USH2A: variants seen among roughly 807,000 people sequenced by gnomAD.
USH2A encodes the protein usherin.
A neutral mutation model predicts 538.9 loss-of-function variants in USH2A; 443 were observed. The ratio of observed to expected loss-of-function variants is 0.82; its 90% CI spans 0.76 to 0.89. USH2A has a LOEUF of 0.89. Ranked by LOEUF, USH2A falls within the 40% of genes least tolerant of loss-of-function variation. The pLI is 0.00. For missense variants in USH2A, 6,633 were observed against 6,324.8 expected, an observed-to-expected ratio of 1.05 and a Z score of -1.65; for synonymous variants, 2,413 against 2,273.5, an observed-to-expected ratio of 1.06 and a Z score of -1.75.
At chr1:215,647,871 A>G in intron 66 of USH2A, 141 bp from the exon 67 acceptor site, 1 of 962,714 alleles carries the variant, frequency 1.0e-6, no homozygotes, top group Non-Finnish European at 1.6e-6. Context: ...TTTGCAGGAA[A>G]CTGCTCTCAG....
Position 215,889,004 on chromosome 1 carries a change from T to A in USH2A, c.7645A>T (p.Met2549Leu), listed in dbSNP as rs768926106. 5.0e-6 allele frequency: 8 copies of A among 1,614,058 alleles called. No individual in the cohort carries two copies. The South Asian group carries it at 7.7e-5, about 16-fold the overall frequency. The change falls in exon 41 of 72, where the codon ATG (methionine) becomes TTG (leucine). Residue 2549 changes from methionine (M) to leucine (L), a missense_variant. By Grantham distance (15) the Met-to-Leu change is conservative. Transcript: ENST00000307340. ...CTAGGATGCTGCCAGGTGACCAACATCATTCTTGACTTCACATCCAGAAGA... is the reference window on the plus strand; with the variant it reads ...CTAGGATGCTGCCAGGTGACCAACAACATTCTTGACTTCACATCCAGAAGA... The part of the protein sequence containing the change: ...PILLDVKSRM[M>L]LVTWQHPRKS...
chr1:216,355,332 A>AAAGAAAGAAAGT (rs1333711053), intron 4 of USH2A, among the ~76,000 whole-genome samples: 1 of 145,930 alleles, frequency 6.9e-6, no homozygotes. Context: ...AGAAAGAAAG[A>AAAGAAAGAAAGT]AAGAAAGAAA....
chr1:215,837,290 T>C (rs971199736), intron 47 of USH2A, among the ~76,000 whole-genome samples: 4 of 152,076 alleles, frequency 2.6e-5, no homozygotes, highest in African/African-American at 9.7e-5. Context: ...TTTGCACATG[T>C]AAGAGAAGGG....
intron 63 of USH2A, among the ~76,000 whole-genome samples, chr1:215,673,730 C>T (rs1365531129): frequency 6.6e-6 from 1 of 152,158 alleles, no homozygotes; most frequent in Non-Finnish European, 1.5e-5. Context: ...TAAAATAATA[C>T]ATCATTTTCT....
Position 216,190,314 on chromosome 1 carries a change from T to G in USH2A, c.4305A>C (p.Lys1435Asn). 6.2e-7 allele frequency: 1 copy of G among 1,612,232 alleles called. No individual in the cohort carries two copies. The highest frequency in any genetic ancestry group is 8.5e-7 in the Non-Finnish European group (1 of 1,178,976). ...TAGTAAACTCATATATCCTATAAGG[T>G]TTCAGTCCTTCTACAGTGTAAGATA... ...QELSYTVEGLKPYRIYEFTIT... is the reference protein window; with the variant it reads ...QELSYTVEGLNPYRIYEFTIT... The change falls in exon 20 of 72, where the codon AAA becomes AAC. Residue 1435 changes from lysine to asparagine, a missense_variant. Transcript: ENST00000307340.
At chr1:215,633,881 T>G (rs1159574174) in intron 70 of USH2A, among the ~76,000 whole-genome samples, 1 of 152,126 alleles carries the variant, frequency 6.6e-6, no homozygotes, top group Non-Finnish European at 1.5e-5. Flanking sequence ...ACTAGACCTT[T>G]ACTGGACCTC....
chr1:215,890,198 G>T (rs564015342), intron 40 of USH2A, among the ~76,000 whole-genome samples: 10 of 152,126 alleles, frequency 6.6e-5, no homozygotes, highest in African/African-American at 2.4e-4. Flanking sequence ...TCTGCCCACA[G>T]CAATTTTGAC....
At chr1:216,388,369 C>T (rs2039042399) in intron 3 of USH2A, among the ~76,000 whole-genome samples, 1 of 149,380 alleles carries the variant, frequency 6.7e-6, no homozygotes, top group African/African-American at 2.6e-5. Flanking sequence ...TGCTGGAAAC[C>T]CATGAATTGC....
chr1:216,044,617 A>G (rs912950177), intron 32 of USH2A, among the ~76,000 whole-genome samples: 1 of 152,158 alleles, frequency 6.6e-6, no homozygotes, highest in Non-Finnish European at 1.5e-5. Context: ...TATATTTTAT[A>G]TATAGTTCTA....
At chr1:216,262,033 C>G (rs943045287) in intron 11 of USH2A, among the ~76,000 whole-genome samples, 1 of 152,158 alleles carries the variant, frequency 6.6e-6, no homozygotes, top group African/African-American at 2.4e-5. Flanking sequence ...TTATCACCCT[C>G]TACTTAACAC....
chr1:215,829,087 T>C (rs546899605), intron 47 of USH2A, among the ~76,000 whole-genome samples: 6 of 152,098 alleles, frequency 3.9e-5, no homozygotes, highest in African/African-American at 1.4e-4. Flanking sequence ...GCCAGACATG[T>C]CCGGGTTATC....
Position 216,323,619 on chromosome 1 carries a change from T to C in USH2A, c.1405A>G (p.Asn469Asp), listed in dbSNP as rs777646808. 1 of 1,613,576 alleles carries C rather than the reference T, an allele frequency of 6.2e-7. No homozygotes were observed. The highest frequency in any genetic ancestry group is 1.1e-5 in the South Asian group (1 of 91,074). The part of the protein sequence containing the change: ...PGPNYRPGYN[N>D]FYNTPSLQEF... The stretch of plus-strand genomic sequence containing the variant: ...TGAAGAGATGGGGTATTATAGAAGT[T>C]ATTGTATCCAGGACGATAATTTGGT... Residue 469 changes from asparagine (N) to aspartate (D), a missense_variant, in exon 8 of 72, where the codon AAC becomes GAC. Physicochemically the swap from Asn to Asp is conservative, Grantham distance 23 (BLOSUM62 1). Transcript: ENST00000307340.
At chr1:216,341,846 C>G (rs2038082680) in intron 4 of USH2A, among the ~76,000 whole-genome samples, 1 of 152,100 alleles carries the variant, frequency 6.6e-6, no homozygotes, top group South Asian at 2.1e-4. Context: ...AAAATTGACT[C>G]AAGATGGATT....
chr1:215,633,878 C>T lies in USH2A; in HGVS notation c.15297+581G>A, dbSNP rs79654924. ...GTGATGGGGCCCTCTCCCACTAGAC[C>T]TTTACTGGACCTCCTATTTTGGGAG... is the stretch of plus-strand genomic sequence containing the variant. On this transcript the variant is annotated intron_variant, in intron 70 of 71. Coordinates refer to ENST00000307340, the MANE Select transcript of USH2A (RefSeq NM_206933.4). 6.1e-3 allele frequency among the ~76,000 whole-genome samples: 924 copies of T among 152,226 alleles called. 24 individuals are homozygous for T. In the South Asian group the frequency reaches 0.071, roughly 12 times the overall value.
intron 9 of USH2A, among the ~76,000 whole-genome samples, chr1:216,295,759 C>T (rs1433258189): frequency 2.0e-5 from 3 of 151,956 alleles, no homozygotes; most frequent in Non-Finnish European, 2.9e-5. Flanking sequence ...AAAGTAATGT[C>T]TCTCTGTTTA....
At chr1:215,951,724 T>G (rs1481334268) in intron 37 of USH2A, among the ~76,000 whole-genome samples, 3 of 152,278 alleles carry the variant, frequency 2.0e-5, no homozygotes, top group Non-Finnish European at 2.9e-5. Context: ...CTTGCTTTAT[T>G]AATCTGGGTG....
chr1:215,850,679 C>T (rs774780086), intron 44 of USH2A, among the ~76,000 whole-genome samples: 9 of 152,054 alleles, frequency 5.9e-5, no homozygotes, highest in Non-Finnish European at 1.0e-4. Flanking sequence ...TAGAGTATAC[C>T]CTAGAACAAA....
chr1:215,950,115 G>C (rs980895492), intron 37 of USH2A, among the ~76,000 whole-genome samples: 1 of 152,054 alleles, frequency 6.6e-6, no homozygotes, highest in African/African-American at 2.4e-5. Context: ...TGCATATCAA[G>C]TGTCTTCAAA....
At chr1:215,794,315 A>C (rs193218045) in intron 50 of USH2A, among the ~76,000 whole-genome samples, 18 of 152,346 alleles carry the variant, frequency 1.2e-4, no homozygotes, top group Non-Finnish European at 2.1e-4. Flanking sequence ...GGCAAATAAA[A>C]GAGTTTAAGT....
Sources: allele counts gnomAD v4.1 joint callset (sites outside exome capture counted in the v4.1 genomes callset), GRCh38; gene constraint gnomAD v4.1.1; transcripts MANE v1.5; gene names NCBI Gene and HGNC (gene_info 2026-07-23, HGNC 2026-07-21).